CAMTA1: variants seen among roughly 807,000 people sequenced by gnomAD.
CAMTA1 encodes calmodulin-binding transcription activator 1.
A neutral mutation model predicts 170.9 loss-of-function variants in CAMTA1; 27 were observed. The observed-to-expected ratio is 0.16, with a 90% CI of 0.12 to 0.22. CAMTA1 has a LOEUF of 0.22. Ranked by LOEUF, CAMTA1 falls within the 10% of genes least tolerant of loss-of-function variation. The pLI, the probability that CAMTA1 is intolerant of heterozygous loss-of-function variation, is 1.00. For synonymous variants in CAMTA1, 833 were observed against 891.5 expected, an observed-to-expected ratio of 0.93 and a Z score of 1.17; for missense variants, 1,619 against 2,217.2, an observed-to-expected ratio of 0.73 and a Z score of 5.42.
chr1:6,923,556 C>T (rs1375894902), intron 3 of CAMTA1, among the ~76,000 whole-genome samples: 1 of 152,208 alleles, frequency 6.6e-6, no homozygotes, highest in East Asian at 1.9e-4. Context: ...CCAGGGAGGC[C>T]TGGCTTATTC....
chr1:7,587,090 C>T (rs906368577), intron 6 of CAMTA1, among the ~76,000 whole-genome samples: 28 of 152,004 alleles, frequency 1.8e-4, no homozygotes, highest in African/African-American at 6.3e-4. Flanking sequence ...TTCCTATTCC[C>T]CAGTCATTCT....
intron 3 of CAMTA1, among the ~76,000 whole-genome samples, chr1:7,080,338 C>T (rs1639847222): frequency 6.6e-6 from 1 of 152,140 alleles, no homozygotes; most frequent in African/African-American, 2.4e-5. Flanking sequence ...ATATATTCCT[C>T]CAGTGCCTTT....
At chr1:7,450,648 G>C (rs550320818) in intron 5 of CAMTA1, among the ~76,000 whole-genome samples, 2 of 152,230 alleles carry the variant, frequency 1.3e-5, no homozygotes, top group African/African-American at 4.8e-5. Flanking sequence ...GGATTCCAAC[G>C]AGTCATATTT....
chr1:7,303,258 AG>A (rs1675062716), intron 5 of CAMTA1, among the ~76,000 whole-genome samples: 1 of 152,228 alleles, frequency 6.6e-6, no homozygotes, highest in Admixed American at 6.5e-5. Flanking sequence ...GCATGGCTTC[AG>A]CACCACAAGC....
chr1:7,290,182 C>T (rs1005233800), intron 5 of CAMTA1, among the ~76,000 whole-genome samples: 1 of 152,214 alleles, frequency 6.6e-6, no homozygotes, highest in Admixed American at 6.5e-5. Context: ...GAATGATTAT[C>T]AAGTCCATCG....
At chr1:7,645,169 G>A (rs1156488514) in intron 7 of CAMTA1, among the ~76,000 whole-genome samples, 1 of 152,288 alleles carries the variant, frequency 6.6e-6, no homozygotes, top group East Asian at 1.9e-4. Context: ...GAGTGGAGTC[G>A]ACTGCTCTGC....
intron 4 of CAMTA1, among the ~76,000 whole-genome samples, chr1:7,177,506 GAGGCCTCTCCCACACAC>G (rs1651144410): frequency 9.3e-6 from 1 of 108,048 alleles, no homozygotes; most frequent in African/African-American, 3.6e-5. Context: ...CCCACACACT[GAGGCCTCTCCCACACAC>G]AAGTCCCTCC....
At chr1:6,852,263 C>T (rs1428662492) in intron 3 of CAMTA1, among the ~76,000 whole-genome samples, 1 of 151,972 alleles carries the variant, frequency 6.6e-6, no homozygotes, top group Non-Finnish European at 1.5e-5. Context: ...AAGCCAAAAC[C>T]CCAATTCTCT....
intron 3 of CAMTA1, among the ~76,000 whole-genome samples, chr1:7,004,235 G>GT (rs1202656915): frequency 6.6e-6 from 1 of 152,132 alleles, no homozygotes; most frequent in Non-Finnish European, 1.5e-5. Flanking sequence ...CAGTGTTATT[G>GT]TTTTTTCTTT....
chr1:7,317,511 G>A (rs1049877217), intron 5 of CAMTA1, among the ~76,000 whole-genome samples: 1 of 152,256 alleles, frequency 6.6e-6, no homozygotes, highest in Non-Finnish European at 1.5e-5. Context: ...CTGCTTACAA[G>A]TTTGCTCGTG....
rs546879779 is a variant in CAMTA1, at chr1:7,528,431, T to TA, written c.510+60542dup. Among the ~76,000 whole-genome samples, 166 of 149,374 alleles carry TA rather than the reference T, an allele frequency of 1.1e-3. 1 individual carries two copies. The highest frequency in any genetic ancestry group is 6.2e-3 in the South Asian group (29 of 4,690). ...AACCACAGCTAATATTTTGGTTTTTTAAAAAAAAAAAATCTTTCTAAAGAT... is the reference window on the plus strand; with the variant it reads ...AACCACAGCTAATATTTTGGTTTTTTAAAAAAAAAAAAATCTTTCTAAAGAT... On this transcript the variant is annotated intron_variant, in intron 6 of 22. Coordinates refer to ENST00000303635, the MANE Select transcript of CAMTA1 (RefSeq NM_015215.4).
chr1:7,741,786 T>C (rs1325389258), intron 16 of CAMTA1, among the ~76,000 whole-genome samples: 1 of 151,776 alleles, frequency 6.6e-6, no homozygotes, highest in African/African-American at 2.4e-5. Context: ...TCCCAGCTAC[T>C]CGGGAGGCTG....
intron 6 of CAMTA1, among the ~76,000 whole-genome samples, chr1:7,522,516 C>G (rs2094378959): frequency 1.3e-5 from 2 of 152,156 alleles, no homozygotes; most frequent in Admixed American, 1.3e-4. Context: ...CCAGTTTTAG[C>G]ATTTTCCATT....
At chr1:7,542,295 C>A (rs933585384) in intron 6 of CAMTA1, among the ~76,000 whole-genome samples, 4 of 152,022 alleles carry the variant, frequency 2.6e-5, no homozygotes, top group Non-Finnish European at 5.9e-5. Context: ...TTGCTATACT[C>A]ATGCCTATGG....
chr1:7,153,426 G>T (rs1646690575), intron 4 of CAMTA1, among the ~76,000 whole-genome samples: 1 of 152,088 alleles, frequency 6.6e-6, no homozygotes. Context: ...TTATTTGAGG[G>T]GGAAAAGGAG....
chr1:7,211,785 TAGA>T (rs1399529198), intron 4 of CAMTA1, among the ~76,000 whole-genome samples: 1 of 152,228 alleles, frequency 6.6e-6, no homozygotes, highest in East Asian at 1.9e-4. Context: ...TCTGCCTTAG[TAGA>T]AGAAGCTAAG....
intron 17 of CAMTA1, among the ~76,000 whole-genome samples, 166 bp downstream of exon 17, chr1:7,745,188 T>C (rs1462878777): frequency 6.6e-6 from 1 of 152,194 alleles, no homozygotes; most frequent in African/African-American, 2.4e-5. Flanking sequence ...CCAGCTCCTA[T>C]TCCTACCTCT....
intron 11 of CAMTA1, among the ~76,000 whole-genome samples, chr1:7,700,452 A>C (rs1325546692): frequency 6.6e-6 from 1 of 152,348 alleles, no homozygotes; most frequent in African/African-American, 2.4e-5. Context: ...GTTGATATAT[A>C]CAGAAACATC....
chr1:7,661,144 C>G (rs74053162), intron 7 of CAMTA1, among the ~76,000 whole-genome samples: 8 of 152,196 alleles, frequency 5.3e-5, no homozygotes, highest in Non-Finnish European at 7.3e-5. Flanking sequence ...CCTTCAGTCC[C>G]GTCCCCATCT....
Sources: allele counts gnomAD v4.1 joint callset (sites outside exome capture counted in the v4.1 genomes callset), GRCh38; gene constraint gnomAD v4.1.1; transcripts MANE v1.5; gene names NCBI Gene and HGNC (gene_info 2026-07-23, HGNC 2026-07-21).